Variants in MBD5 observed in about 807,000 individuals in gnomAD.
MBD5 encodes methyl-CpG-binding domain protein 5.
Under a neutral mutation model 117.3 loss-of-function variants are expected in MBD5, and 13 were observed. The ratio of observed to expected loss-of-function variants is 0.11; its 90% CI spans 0.07 to 0.18. The LOEUF (loss-of-function observed/expected upper bound fraction) is 0.18, where lower values mean the gene tolerates loss of function less well. Among genes scored for constraint, MBD5 ranks in the 10% least tolerant of loss-of-function variants. MBD5 has a pLI of 1.00. For missense variants in MBD5, 1,879 were observed against 2,093.8 expected (o/e 0.90, Z 2.00); for synonymous variants, 727 against 766.4 (o/e 0.95, Z 0.85).
rs1060501152 is a variant in MBD5 at position 148,470,369 on chromosome 2, C to G, written c.2426C>G (p.Pro809Arg). 6.2e-7 allele frequency: 1 copy of G among 1,613,714 alleles called. No homozygotes were observed. The highest frequency in any genetic ancestry group is 1.7e-5 in the Admixed American group (1 of 59,966). Residue 809 changes from proline (P) to arginine (R), a missense_variant, in exon 8 of 14, where the codon CCC (proline) becomes CGC (arginine). By Grantham distance (103) the Pro-to-Arg change is moderately radical. Coordinates refer to ENST00000642680, the MANE Select transcript of MBD5 (RefSeq NM_001378120.1). The stretch of plus-strand genomic sequence containing the variant: ...ATGGCTTTAGGAAATTCCTTACATC[C>G]CAATCCACCTCAGTCAAGAATTTCA... ...SGMALGNSLH[P>R]NPPQSRISTS...
At chr2:148,307,476 A>G (rs917326325) in intron 3 of MBD5, among the ~76,000 whole-genome samples, 2 of 113,002 alleles carry the variant, frequency 1.8e-5, no homozygotes, top group Non-Finnish European at 3.7e-5. Context: ...AACAACAGTC[A>G]TCTTACTGTA....
intron 1 of MBD5, among the ~76,000 whole-genome samples, chr2:148,054,237 A>C (rs1416696311): frequency 6.6e-6 from 1 of 152,120 alleles, no homozygotes; most frequent in African/African-American, 2.4e-5. Flanking sequence ...ATTATGTATA[A>C]ATTCTCTTAG....
At chr2:148,454,158 A>G (rs942988959) in intron 4 of MBD5, among the ~76,000 whole-genome samples, 2 of 152,162 alleles carry the variant, frequency 1.3e-5, no homozygotes, top group African/African-American at 4.8e-5. Flanking sequence ...GTTTAATGTC[A>G]TAGTAAAATG....
intron 3 of MBD5, among the ~76,000 whole-genome samples, chr2:148,297,044 G>GT (rs564865638): frequency 1.3e-4 from 19 of 150,804 alleles, no homozygotes; most frequent in Middle Eastern, 3.4e-3. Flanking sequence ...CCGACTAATT[G>GT]TTTTTATTTT....
At position 148,445,957 on chromosome 2, in the gene MBD5, C is replaced by T. The variant is rs981548756; in HGVS notation, c.-556-12246C>T. ...TCTTTTGAGAAGCGTCTGTTCATAT[C>T]CTTCGCCCACGATGGGGTTGTTTGT... On this transcript the variant is annotated intron_variant, in intron 4 of 13. Coordinates refer to ENST00000642680, the MANE Select transcript of MBD5 (RefSeq NM_001378120.1). 5.3e-5 allele frequency among the ~76,000 whole-genome samples: 8 copies of T among 151,166 alleles called. No individual in the cohort carries two copies. In the South Asian group the frequency reaches 1.0e-3, roughly 20 times the overall value.
intron 1 of MBD5, among the ~76,000 whole-genome samples, chr2:148,164,495 C>A (rs1698082193): frequency 6.6e-6 from 1 of 152,082 alleles, no homozygotes; most frequent in African/African-American, 2.4e-5. Flanking sequence ...GCAACTAGTA[C>A]AGCCACACTG....
intron 7 of MBD5, among the ~76,000 whole-genome samples, chr2:148,467,347 TTC>T (rs1680583944): frequency 6.6e-6 from 1 of 152,192 alleles, no homozygotes. Context: ...GTTGCCTGTA[TTC>T]TGTCTGATCT....
intron 4 of MBD5, among the ~76,000 whole-genome samples, chr2:148,409,582 A>G (rs1051007019): frequency 2.2e-5 from 3 of 139,112 alleles, no homozygotes; most frequent in African/African-American, 8.9e-5. Flanking sequence ...CATACCATGT[A>G]TTATTTCTTT....
intron 3 of MBD5, among the ~76,000 whole-genome samples, chr2:148,317,860 TG>T (rs1274486043): frequency 3.3e-5 from 5 of 152,256 alleles, no homozygotes; most frequent in South Asian, 2.1e-4. Context: ...AGTCCTCTGA[TG>T]ATGGACACTT....
chr2:148,282,255 G>A (rs925089971), intron 3 of MBD5, among the ~76,000 whole-genome samples: 1 of 152,016 alleles, frequency 6.6e-6, no homozygotes, highest in South Asian at 2.1e-4. Context: ...ATGAATCTTT[G>A]TCAAACCCAT....
chr2:148,257,507 C>T (rs1700618717), intron 3 of MBD5, among the ~76,000 whole-genome samples: 1 of 152,198 alleles, frequency 6.6e-6, no homozygotes, highest in Non-Finnish European at 1.5e-5. Flanking sequence ...GACCAGATAA[C>T]TCCCAAGAAT....
intron 1 of MBD5, among the ~76,000 whole-genome samples, chr2:148,049,862 T>C (rs1694645734): frequency 6.6e-6 from 1 of 152,212 alleles, no homozygotes. Context: ...TAAGGTTTCA[T>C]TCATATGCTA....
intron 1 of MBD5, among the ~76,000 whole-genome samples, chr2:148,157,074 A>T (rs1697893671): frequency 1.3e-5 from 2 of 152,160 alleles, no homozygotes; most frequent in Admixed American, 1.3e-4. Flanking sequence ...AAATATTTAA[A>T]TAATTTTGTA....
At position 148,349,519 on chromosome 2, in the gene MBD5, G is replaced by A. The variant is rs530825991; in HGVS notation, c.-557+7183G>A. 9.2e-5 allele frequency among the ~76,000 whole-genome samples: 14 copies of A among 152,016 alleles called. No individual in the cohort carries two copies. The South Asian group carries it at 1.5e-3, about 16-fold the overall frequency. On this transcript the variant is annotated intron_variant, in intron 4 of 13. Transcript: ENST00000642680. ...TATTATGTAAATATGTTTTTAAAAAGTGGGTGTCATTCACACAACTTAAGT... is the reference window on the plus strand; with the variant it reads ...TATTATGTAAATATGTTTTTAAAAAATGGGTGTCATTCACACAACTTAAGT...
rs957675049 is a variant in MBD5, at chr2:148,259,747, T to A, written c.-680+26352T>A. Among the ~76,000 whole-genome samples the A allele has an allele frequency of 2.0e-5, 3 of 152,200 alleles. No individual in the cohort carries two copies. The East Asian group carries it at 5.8e-4, about 29-fold the overall frequency. On this transcript the variant is annotated intron_variant, in intron 3 of 13. Coordinates refer to ENST00000642680, the MANE Select transcript of MBD5 (RefSeq NM_001378120.1). ...GCCAAGCATGAGCTCACATAGGTCATCATCTAATGCTCCTCACGTGGTGTG... is the reference window on the plus strand; with the variant it reads ...GCCAAGCATGAGCTCACATAGGTCAACATCTAATGCTCCTCACGTGGTGTG...
chr2:148,354,166 A>T (rs1407804964), intron 4 of MBD5, among the ~76,000 whole-genome samples: 5 of 152,158 alleles, frequency 3.3e-5, no homozygotes, highest in African/African-American at 1.2e-4. Flanking sequence ...ACATAGGTAT[A>T]CATGTGCCAT....
At chr2:148,176,803 T>C (rs1698400913) in intron 1 of MBD5, among the ~76,000 whole-genome samples, 1 of 151,920 alleles carries the variant, frequency 6.6e-6, no homozygotes, top group African/African-American at 2.4e-5. Flanking sequence ...ATAAAATTTT[T>C]GACTTTGTAT....
At chr2:148,066,042 C>T (rs1695180654) in intron 1 of MBD5, among the ~76,000 whole-genome samples, 1 of 152,146 alleles carries the variant, frequency 6.6e-6, no homozygotes, top group Admixed American at 6.5e-5. Context: ...GGGCCAGGCA[C>T]GGTGGTTTCC....
chr2:148,325,004 A>G (rs10188546), intron 3 of MBD5, among the ~76,000 whole-genome samples: 41,747 of 152,020 alleles, frequency 0.27, 5,968 homozygotes, highest in African/African-American at 0.31. Context: ...TTTGAAATAC[A>G]TCCCATCAAT....
Sources: gnomAD v4.1 joint callset for allele counts (sites outside exome capture counted in the v4.1 genomes callset) on GRCh38, gnomAD v4.1.1 for gene constraint, MANE v1.5 for transcripts, NCBI Gene and HGNC (gene_info 2026-07-23, HGNC 2026-07-21) for gene names.